KIAA1217: variants seen among roughly 807,000 people sequenced by gnomAD.
The protein encoded by KIAA1217 is KIAA1217.
Under a neutral mutation model 163.9 loss-of-function variants are expected in KIAA1217, and 88 were observed. That is an observed-to-expected ratio of 0.54 (90% CI 0.45 to 0.64). KIAA1217 has a LOEUF of 0.64. KIAA1217 is among the 30% of genes least tolerant of loss of function. The pLI, the probability that KIAA1217 is intolerant of heterozygous loss-of-function variation, is 0.00. For missense variants in KIAA1217, 2,372 were observed against 2,475.0 expected, an observed-to-expected ratio of 0.96 and a Z score of 0.88; for synonymous variants, 903 against 923.1, an observed-to-expected ratio of 0.98 and a Z score of 0.39.
chr10:24,034,746 G>A (rs1490997342), intron 2 of KIAA1217, among the ~76,000 whole-genome samples: 1 of 152,178 alleles, frequency 6.6e-6, no homozygotes, highest in East Asian at 1.9e-4. Flanking sequence ...CCTGGAGCGT[G>A]TTTCCCCACT....
intron 2 of KIAA1217, among the ~76,000 whole-genome samples, chr10:24,121,780 G>A (rs984747993): frequency 2.0e-5 from 3 of 152,010 alleles, no homozygotes; most frequent in African/African-American, 7.2e-5. Context: ...AAGTCACTGG[G>A]GGTTACTAAC....
At chr10:23,846,429 C>T (rs1047379568) in intron 1 of KIAA1217, among the ~76,000 whole-genome samples, 4 of 152,064 alleles carry the variant, frequency 2.6e-5, no homozygotes, top group African/African-American at 9.7e-5. Context: ...TTGTAGTTCT[C>T]CTTGAAGAGG....
intron 2 of KIAA1217, among the ~76,000 whole-genome samples, chr10:24,369,413 C>T (rs887571545): frequency 6.6e-6 from 1 of 152,144 alleles, no homozygotes; most frequent in African/African-American, 2.4e-5. Flanking sequence ...TTCCCTGTGG[C>T]CTTCTCCACT....
intron 1 of KIAA1217, among the ~76,000 whole-genome samples, chr10:23,936,889 C>CT (rs1003201687): frequency 1.7e-4 from 25 of 151,492 alleles, no homozygotes; most frequent in South Asian, 8.4e-4. Flanking sequence ...TCCTTTCATT[C>CT]TTTTTTTTTG....
At chr10:24,500,184 A>AGTGT (rs57872451) in intron 8 of KIAA1217, among the ~76,000 whole-genome samples, 4,004 of 143,182 alleles carry the variant, frequency 0.028, 61 homozygotes, top group East Asian at 0.051. Flanking sequence ...ACTGAACAGA[A>AGTGT]GTGTGTGTGT....
At chr10:23,704,180 A>G (rs1265179380) in intron 1 of KIAA1217, among the ~76,000 whole-genome samples, 1,213 of 82,160 alleles carry the variant, frequency 0.015, 20 homozygotes, top group African/African-American at 0.062. Flanking sequence ...GTGTATATAT[A>G]TATATATATA....
At chr10:23,698,911 A>C (rs1381300410) in intron 1 of KIAA1217, among the ~76,000 whole-genome samples, 1 of 152,104 alleles carries the variant, frequency 6.6e-6, no homozygotes, top group South Asian at 2.1e-4. Context: ...CAGCCTCCCA[A>C]GTAGCTAGGA....
At chr10:24,492,095 A>T (rs2066229491) in intron 6 of KIAA1217, among the ~76,000 whole-genome samples, 1 of 152,238 alleles carries the variant, frequency 6.6e-6, no homozygotes, top group Non-Finnish European at 1.5e-5. Flanking sequence ...GAATGAGGAC[A>T]CTGGGCAACT....
chr10:24,184,131 G>C (rs1411075721), intron 2 of KIAA1217, among the ~76,000 whole-genome samples: 1 of 152,226 alleles, frequency 6.6e-6, no homozygotes, highest in Non-Finnish European at 1.5e-5. Flanking sequence ...AACAGAGCCA[G>C]TGAGTGAAGA....
chr10:24,397,292 G>T (rs768089565), intron 3 of KIAA1217, among the ~76,000 whole-genome samples: 1 of 151,994 alleles, frequency 6.6e-6, no homozygotes, highest in Non-Finnish European at 1.5e-5. Context: ...ATTTCACTAT[G>T]TTGGCCAGGC....
chr10:23,697,443 G>A (rs1252322254), intron 1 of KIAA1217, among the ~76,000 whole-genome samples: 6 of 152,134 alleles, frequency 3.9e-5, no homozygotes, highest in Admixed American at 3.3e-4. Flanking sequence ...TTGAGCCCAA[G>A]TTACTATTGC....
chr10:24,217,258 T>G (rs1007638571), intron 1 of KIAA1217, among the ~76,000 whole-genome samples: 1 of 152,128 alleles, frequency 6.6e-6, no homozygotes, highest in Non-Finnish European at 1.5e-5. Flanking sequence ...AAGGTAGCCA[T>G]GATGTGAGTC....
chr10:24,524,761 C>T lies in KIAA1217; in HGVS notation c.2895C>T (p.Ile965=), dbSNP rs138975274. 2,083 of 1,585,060 alleles carry T rather than the reference C, an allele frequency of 1.3e-3. 3 individuals carry two copies. Among genetic ancestry groups the T allele is most frequent in the Non-Finnish European group, 1.7e-3 (1,960 of 1,160,908 alleles). Residue 965 remains isoleucine (I), a synonymous_variant, in exon 13 of 21, where the codon ATC becomes ATT. Transcript: ENST00000376454. ...GTGCCAAGAACAGGGCAGTGTCTAT[C>T]GAGGTAGAGTCCTATTTCTGTTTCT... ...SVSAKNRAVS[I]EKAEKKWEEK... is the part of the protein sequence containing the mutation.
intron 5 of KIAA1217, among the ~76,000 whole-genome samples, chr10:24,448,454 C>A (rs2061142236): frequency 6.6e-6 from 1 of 152,216 alleles, no homozygotes; most frequent in African/African-American, 2.4e-5. Flanking sequence ...GTGGCACAAT[C>A]ATGGCTCACT....
At chr10:24,501,682 C>G (rs2067607611) in intron 9 of KIAA1217, 137 bp downstream of exon 9, 1 of 563,544 alleles carries the variant, frequency 1.8e-6, no homozygotes, top group South Asian at 2.6e-5. Context: ...ACACACAATC[C>G]AAGTCTAGAG....
intron 2 of KIAA1217, among the ~76,000 whole-genome samples, chr10:24,322,474 G>A (rs373172838): frequency 3.9e-5 from 6 of 152,246 alleles, no homozygotes; most frequent in African/African-American, 1.4e-4. Flanking sequence ...GAGCAGGGAA[G>A]CACCAGCAAG....
At chr10:24,226,111 T>A (rs1021391453) in intron 2 of KIAA1217, among the ~76,000 whole-genome samples, 3 of 152,078 alleles carry the variant, frequency 2.0e-5, no homozygotes, top group Non-Finnish European at 4.4e-5. Flanking sequence ...GAAGTCAACA[T>A]TTGAACCAGG....
intron 9 of KIAA1217, among the ~76,000 whole-genome samples, chr10:24,506,632 G>A (rs2068394420): frequency 6.6e-6 from 1 of 152,178 alleles, no homozygotes; most frequent in African/African-American, 2.4e-5. Context: ...ATAAGCAAAT[G>A]TATGAAACAA....
At chr10:24,206,894 T>C (rs572265070), upstream of KIAA1217, among the ~76,000 whole-genome samples, 19 of 152,008 alleles carry the variant, frequency 1.2e-4, no homozygotes, top group Middle Eastern at 0.01. Flanking sequence ...GCCTGGAAAA[T>C]GGTAGTTCAG....
Sources: gnomAD v4.1 joint callset for allele counts (sites outside exome capture counted in the v4.1 genomes callset) on GRCh38, gnomAD v4.1.1 for gene constraint, MANE v1.5 for transcripts, NCBI Gene and HGNC (gene_info 2026-07-23, HGNC 2026-07-21) for gene names.